UBE4B: variants seen among roughly 807,000 people sequenced by gnomAD.
UBE4B encodes ubiquitin conjugation factor E4 B.
A neutral mutation model predicts 148.1 loss-of-function variants in UBE4B; 27 were observed. The ratio of observed to expected loss-of-function variants is 0.18; its 90% CI spans 0.13 to 0.25. The LOEUF (loss-of-function observed/expected upper bound fraction) is 0.25, where lower values mean the gene tolerates loss of function less well. Ranked by LOEUF, UBE4B falls within the 10% of genes least tolerant of loss-of-function variation. The pLI is 1.00. For missense variants in UBE4B, 1,170 were observed against 1,662.4 expected (o/e 0.70, Z 5.15); for synonymous variants, 596 against 619.3 (o/e 0.96, Z 0.56).
At chr1:10,040,074 A>G (rs547455841) in intron 1 of UBE4B, among the ~76,000 whole-genome samples, 39 of 151,998 alleles carry the variant, frequency 2.6e-4, no homozygotes, top group African/African-American at 9.2e-4. Flanking sequence ...TAAGGGTTGA[A>G]TAAGGAATTC....
At chr1:10,112,443 G>A (rs374849377) in intron 7 of UBE4B, among the ~76,000 whole-genome samples, 39 of 151,784 alleles carry the variant, frequency 2.6e-4, no homozygotes, top group African/African-American at 9.0e-4. Context: ...TCTGTCTCCC[G>A]GGCTGGAGTG....
chr1:10,075,113 A>C (rs1644556267), intron 2 of UBE4B, among the ~76,000 whole-genome samples: 1 of 152,118 alleles, frequency 6.6e-6, no homozygotes, highest in Non-Finnish European at 1.5e-5. Flanking sequence ...GATAGTAAAT[A>C]TTTTTGGCTT....
At chr1:10,166,138 C>T (rs1646242451) in intron 23 of UBE4B, 1 of 152,264 alleles carries the variant, frequency 6.6e-6, no homozygotes, top group African/African-American at 2.4e-5. Context: ...ACTCACCGGC[C>T]AGCTTCAGCT....
chr1:10,052,583 A>C (rs1054203921), intron 1 of UBE4B, among the ~76,000 whole-genome samples: 1 of 152,152 alleles, frequency 6.6e-6, no homozygotes. Flanking sequence ...CAGGCATGTG[A>C]CTGCAGGCAG....
chr1:10,105,816 T>G (rs766394006), intron 6 of UBE4B, 72 bp downstream of exon 6: 22 of 1,451,810 alleles, frequency 1.5e-5, no homozygotes, highest in Middle Eastern at 1.8e-4. Flanking sequence ...AAGGGAATGT[T>G]TGTTGACAGT....
chr1:10,180,184 G>A lies in UBE4B; in HGVS notation c.*228G>A. ...GACAAACACGGTCAAAAGCTTAAGG[G>A]ACAGGTTTTATGGTTGCTTGTGTAA... On this transcript the variant is annotated 3_prime_UTR_variant, in exon 28 of 28. Transcript: ENST00000343090. 4 of 579,924 alleles carry A rather than the reference G, an allele frequency of 6.9e-6. No individual in the cohort carries two copies. In the South Asian group the frequency reaches 8.7e-5, roughly 13 times the overall value. The allele number at this position is 579,924 out of a possible 1,614,324, so 35.9% of individuals were successfully genotyped here. A position where few individuals can be genotyped will look rare whatever the true frequency, so the allele number is the denominator to read the frequency against.
chr1:10,110,936 C>T lies in UBE4B; in HGVS notation c.1196+4353C>T, dbSNP rs147058919. Among the ~76,000 whole-genome samples the T allele has an allele frequency of 4.7e-3, 718 of 151,872 alleles. 9 individuals carry two copies. The highest frequency in any genetic ancestry group is 0.016 in the African/African-American group (674 of 41,406). On this transcript the variant is annotated intron_variant, in intron 7 of 27. Coordinates refer to ENST00000343090, the MANE Select transcript of UBE4B (RefSeq NM_001105562.3). ...GTCTGAGCCCACGAGTTAGAGGCTG[C>T]AGTGAGTCGTGATCATGCCACTGCA...
intron 21 of UBE4B, among the ~76,000 whole-genome samples, chr1:10,155,084 AGTGT>A (rs144718535): frequency 5.1e-4 from 74 of 146,282 alleles, no homozygotes; most frequent in Non-Finnish European, 6.6e-4. Context: ...AGAGAGAGAG[AGTGT>A]GTGTGTGTGT....
At chr1:10,064,721 G>C (rs959982885) in intron 1 of UBE4B, among the ~76,000 whole-genome samples, 2 of 151,654 alleles carry the variant, frequency 1.3e-5, no homozygotes, top group African/African-American at 4.8e-5. Context: ...AAAAACAAAA[G>C]CCATGCTGGT....
intron 2 of UBE4B, among the ~76,000 whole-genome samples, chr1:10,084,879 T>A (rs765234594): frequency 4.0e-5 from 6 of 151,580 alleles, no homozygotes; most frequent in Non-Finnish European, 8.8e-5. Flanking sequence ...TTTTTTTGTA[T>A]TTTTAGTTGA....
At chr1:10,056,946 T>C (rs1644184059) in intron 1 of UBE4B, among the ~76,000 whole-genome samples, 1 of 151,852 alleles carries the variant, frequency 6.6e-6, no homozygotes, top group Non-Finnish European at 1.5e-5. Context: ...CCTGAGTAGC[T>C]GGGACTACAG....
chr1:10,121,514 C>G (rs1255959477), intron 9 of UBE4B, among the ~76,000 whole-genome samples: 1 of 152,068 alleles, frequency 6.6e-6, no homozygotes, highest in South Asian at 2.1e-4. Context: ...CTGCCTCAGC[C>G]TTCCAAGTAG....
At chr1:10,065,372 C>T (rs1214851072) in intron 1 of UBE4B, among the ~76,000 whole-genome samples, 3 of 152,060 alleles carry the variant, frequency 2.0e-5, no homozygotes, top group Non-Finnish European at 4.4e-5. Context: ...AGGCACAGCT[C>T]CACAATAAGC....
intron 7 of UBE4B, among the ~76,000 whole-genome samples, chr1:10,113,368 G>A (rs554169798): frequency 6.6e-6 from 1 of 152,250 alleles, no homozygotes; most frequent in South Asian, 2.1e-4. Flanking sequence ...CCAACACTGG[G>A]GACTGCATTT....
At chr1:10,126,301 A>G (rs1045794699) in intron 10 of UBE4B, among the ~76,000 whole-genome samples, 1 of 139,620 alleles carries the variant, frequency 7.2e-6, no homozygotes, top group African/African-American at 2.8e-5. Flanking sequence ...CTCCGTCTCA[A>G]TATAGATAGA....
At chr1:10,120,083 A>G (rs1037501407) in intron 9 of UBE4B, among the ~76,000 whole-genome samples, 3 of 152,232 alleles carry the variant, frequency 2.0e-5, no homozygotes, top group Admixed American at 6.5e-5. Flanking sequence ...TGAGAATCCT[A>G]TAAAGGTTGC....
chr1:10,143,345 T>C (rs1570970290), intron 17 of UBE4B, among the ~76,000 whole-genome samples: 1 of 152,056 alleles, frequency 6.6e-6, no homozygotes, highest in African/African-American at 2.4e-5. Flanking sequence ...GAGGTTGCAG[T>C]GAGCCAGATG....
chr1:10,104,327 A>G (rs1307878984), intron 5 of UBE4B, among the ~76,000 whole-genome samples: 1 of 152,092 alleles, frequency 6.6e-6, no homozygotes, highest in East Asian at 1.9e-4. Context: ...CTTTTTCTTT[A>G]CAGTAGTCAT....
Position 10,149,269 on chromosome 1 carries a change from T to C in UBE4B, c.2677T>C (p.Phe893Leu), listed in dbSNP as rs1210480518. ...FYVEDVAEFL[F>L]FIVQYSPQAL... ...TGTAGAAGATGTTGCAGAATTTTTA[T>C]TTTTTATTGTACAGTAAGTGCCTTT... The change falls in exon 20 of 28, where the codon TTT becomes CTT. Residue 893 changes from phenylalanine (F) to leucine (L), a missense_variant. This residue lies in a region of UBE4B where 348 missense variants were observed against 627.2 expected (regional missense o/e 0.55). Coordinates refer to ENST00000343090, the MANE Select transcript of UBE4B (RefSeq NM_001105562.3). 6.2e-7 allele frequency: 1 copy of C among 1,607,602 alleles called. No homozygotes were observed. Among genetic ancestry groups the C allele is most frequent in the Non-Finnish European group, 8.5e-7 (1 of 1,177,870 alleles).
Sources: gnomAD v4.1 joint callset for allele counts (sites outside exome capture counted in the v4.1 genomes callset) on GRCh38, gnomAD v4.1.1 for gene constraint, gnomAD v4.1.1 regional missense constraint, MANE v1.5 for transcripts, NCBI Gene and HGNC (gene_info 2026-07-23, HGNC 2026-07-21) for gene names.